Variants in SCEL observed in about 807,000 individuals in gnomAD.
SCEL encodes the protein sciellin.
SCEL carries 113 observed loss-of-function variants against 117.6 expected under a neutral mutation model. The observed-to-expected ratio is 0.96, with a 90% confidence interval of 0.83 to 1.12. SCEL has a LOEUF of 1.12. Ranked by LOEUF, SCEL falls within the 50% of genes most tolerant of loss-of-function variation. The pLI is 0.00. For missense variants in SCEL, 785 were observed against 810.8 expected, an observed-to-expected ratio of 0.97 and a Z score of 0.39; for synonymous variants, 270 against 256.2, an observed-to-expected ratio of 1.05 and a Z score of -0.51.
rs1267790552 is a variant in SCEL at position 77,593,291 on chromosome 13, T to TGC, written c.693-222_693-221insCG. ...GTGTGTGTGTGTGTGTGTGTGTGTG[T>TGC]GTGTGTCTGTGTGTGTGTGTGTGTG... On this transcript the variant is annotated intron_variant, in intron 11 of 32. Coordinates refer to ENST00000349847, the MANE Select transcript of SCEL (RefSeq NM_144777.3). 9.5e-4 allele frequency among the ~76,000 whole-genome samples: 87 copies of TGC among 91,864 alleles called. 1 individual carries two copies. The highest frequency in any genetic ancestry group is 4.2e-3 in the African/African-American group (80 of 18,854). 60.3% of individuals were successfully genotyped at this position (91,864 alleles called of 152,430 possible).
At chr13:77,634,103 A>G (rs2090159754) in intron 28 of SCEL, among the ~76,000 whole-genome samples, 1 of 152,256 alleles carries the variant, frequency 6.6e-6, no homozygotes, top group South Asian at 2.1e-4. Flanking sequence ...CAAATATTCA[A>G]AAATAATCCT....
At chr13:77,601,667 T>G (rs1177332683) in intron 15 of SCEL, among the ~76,000 whole-genome samples, 1 of 152,220 alleles carries the variant, frequency 6.6e-6, no homozygotes, top group Non-Finnish European at 1.5e-5. Flanking sequence ...TCTCAAAGTA[T>G]TTAGACTTAA....
chr13:77,554,159 C>T (rs1475016590), intron 1 of SCEL, among the ~76,000 whole-genome samples: 1 of 152,182 alleles, frequency 6.6e-6, no homozygotes, highest in African/African-American at 2.4e-5. Context: ...AGGATGTGCT[C>T]TCTGCTGGTT....
rs539076576 is a variant in SCEL, at chr13:77,541,285, A to G, written c.-20+5461A>G. Among the ~76,000 whole-genome samples, 27 of 152,336 alleles carry G rather than the reference A, an allele frequency of 1.8e-4. No individual in the cohort carries two copies. In the South Asian group the frequency reaches 2.1e-3, roughly 12 times the overall value. On this transcript the variant is annotated intron_variant, in intron 1 of 32. Coordinates refer to ENST00000349847, the MANE Select transcript of SCEL (RefSeq NM_144777.3). ...TGAAGAAAAATATGCGAGTAAAACA[A>G]AATGATTCTACTTTCACCTATTATA... is the stretch of plus-strand genomic sequence containing the variant.
At position 77,568,170 on chromosome 13, in the gene SCEL, A is replaced by G. The variant is rs1043607559; in HGVS notation, c.360-125A>G. ...ATCTTATGAAATTTATTAAAATATG[A>G]TGCTTTCTATTTCTTTCTCTCACCA... is the stretch of plus-strand genomic sequence containing the variant. On this transcript the variant is annotated intron_variant, in intron 6 of 32. Transcript: ENST00000349847. 4 of 638,518 alleles carry G rather than the reference A, an allele frequency of 6.3e-6. No homozygotes were observed. In the African/African-American group the frequency reaches 7.7e-5, roughly 12 times the overall value. The allele number at this position is 638,518 out of a possible 1,614,324, so 39.6% of individuals were successfully genotyped here. A position where few individuals can be genotyped will look rare whatever the true frequency, so the allele number is the denominator to read the frequency against.
chr13:77,540,425 G>T (rs1339018182), intron 1 of SCEL, among the ~76,000 whole-genome samples: 4 of 152,136 alleles, frequency 2.6e-5, no homozygotes, highest in Non-Finnish European at 5.9e-5. Flanking sequence ...GTGATGTTAT[G>T]GAAACTCTTT....
chr13:77,619,141 C>T (rs751652598), intron 27 of SCEL, among the ~76,000 whole-genome samples: 2 of 152,128 alleles, frequency 1.3e-5, no homozygotes, highest in Non-Finnish European at 2.9e-5. Context: ...AAGAAATTAA[C>T]ATATGACAAA....
At position 77,617,843 on chromosome 13, in the gene SCEL, G is replaced by A. The variant is rs750044014; in HGVS notation, c.1552G>A (p.Val518Ile). Residue 518 changes from valine (V) to isoleucine (I), a missense_variant, in exon 26 of 33, where the codon GTA becomes ATA. Val to Ile is a conservative substitution (Grantham distance 29). Transcript: ENST00000349847. ...TAACCTCATCAAAGTAAATCCTGCA[G>A]TAATCAGAAACAATCAGAGGTATAT... ...LANLIKVNPA[V>I]IRNNQSQDLD... 3.7e-5 allele frequency: 60 copies of A among 1,611,166 alleles called. No individual in the cohort carries two copies. In the Middle Eastern group the frequency reaches 4.9e-4, roughly 13 times the overall value.
In SCEL at chr13:77,593,535, C is replaced by A; in HGVS notation, c.714C>A (p.Ile238=). The part of the protein sequence containing the change: ...RNIRSQDLDN[I]VKVATSLQRS... ...GAAGGAGTCAGGATCTTGATAACATCGTCAAAGTGGCCACTTCACTTCAGA... is the reference window on the plus strand; with the variant it reads ...GAAGGAGTCAGGATCTTGATAACATAGTCAAAGTGGCCACTTCACTTCAGA... Residue 238 remains isoleucine, a synonymous_variant, in exon 12 of 33, where the codon ATC becomes ATA. Coordinates refer to ENST00000349847, the MANE Select transcript of SCEL (RefSeq NM_144777.3). 1.2e-6 allele frequency: 2 copies of A among 1,612,798 alleles called. No individual in the cohort carries two copies. The highest frequency in any genetic ancestry group is 1.7e-6 in the Non-Finnish European group (2 of 1,179,162).
At chr13:77,599,797 AC>A in intron 15 of SCEL, 49 bp downstream of exon 15, 1 of 1,345,226 alleles carries the variant, frequency 7.4e-7, no homozygotes, top group East Asian at 2.3e-5. Context: ...CAGATGGTGT[AC>A]TATTTTCTGG....
intron 12 of SCEL, among the ~76,000 whole-genome samples, chr13:77,596,760 G>C (rs2087264535): frequency 6.6e-6 from 1 of 151,476 alleles, no homozygotes; most frequent in Admixed American, 6.6e-5. Context: ...GTTGGAGAAA[G>C]GACATGCTGT....
At chr13:77,574,590 G>C (rs777494692) in intron 9 of SCEL, among the ~76,000 whole-genome samples, 1 of 152,184 alleles carries the variant, frequency 6.6e-6, no homozygotes, top group Non-Finnish European at 1.5e-5. Context: ...AGAGCTCAAA[G>C]TACAGCTTCT....
intron 24 of SCEL, 63 bp downstream of exon 24, chr13:77,614,018 G>A (rs1294612551): frequency 2.9e-5 from 38 of 1,297,010 alleles, no homozygotes; most frequent in Non-Finnish European, 3.8e-5. Context: ...TAATAGAAAT[G>A]ATTTAGAATT....
intron 5 of SCEL, 70 bp from the exon 6 acceptor site, chr13:77,567,610 T>C (rs1263683476): frequency 9.4e-7 from 1 of 1,067,456 alleles, no homozygotes; most frequent in Non-Finnish European, 1.4e-6. Flanking sequence ...TATTCTAGCA[T>C]GAAAATGGTC....
intron 1 of SCEL, among the ~76,000 whole-genome samples, chr13:77,555,043 TATA>T (rs1371817211): frequency 6.6e-6 from 1 of 151,998 alleles, no homozygotes. Context: ...AAAATATTGA[TATA>T]ATAATAATAA....
At chr13:77,591,901 G>A (rs929966416) in intron 11 of SCEL, among the ~76,000 whole-genome samples, 2 of 152,094 alleles carry the variant, frequency 1.3e-5, no homozygotes, top group African/African-American at 2.4e-5. Flanking sequence ...GTCGTCGGGG[G>A]GGAGGGTAAG....
chr13:77,634,365 G>T lies in SCEL; in HGVS notation c.1692-14G>T, dbSNP rs924511509. ...ATAAACTTTAATCATGAAGTAAAAT[G>T]ATTTGTTTTGCAGCTCTAACACTGG... On this transcript the variant is annotated splice_polypyrimidine_tract_variant and intron_variant, in intron 28 of 32. Coordinates refer to ENST00000349847, the MANE Select transcript of SCEL (RefSeq NM_144777.3). The T allele has an allele frequency of 6.8e-6, 11 of 1,608,998 alleles. No homozygotes were observed. The African/African-American group carries it at 8.0e-5, about 12-fold the overall frequency.
intron 30 of SCEL, among the ~76,000 whole-genome samples, chr13:77,639,326 A>C (rs1484323441): frequency 6.6e-6 from 1 of 152,228 alleles, no homozygotes; most frequent in East Asian, 1.9e-4. Flanking sequence ...GTACAGAACA[A>C]ATAAAAGCAG....
intron 23 of SCEL, 149 bp downstream of exon 23, chr13:77,613,090 T>C: frequency 1.8e-6 from 1 of 550,706 alleles, no homozygotes. Context: ...GATAGATTTT[T>C]CTGTCTATTA....
Sources: allele counts gnomAD v4.1 joint callset (sites outside exome capture counted in the v4.1 genomes callset), GRCh38; gene constraint gnomAD v4.1.1; transcripts MANE v1.5; gene names NCBI Gene and HGNC (gene_info 2026-07-23, HGNC 2026-07-21).